The following CLEC12A variants were observed in gnomAD, a reference collection of about 807,000 sequenced individuals.
CLEC12A encodes C-type lectin domain family 12 member A, also known as C-type lectin protein CLL-1.
In CLEC12A, 22 loss-of-function variants were observed where a neutral mutation model predicts 26.5. The observed-to-expected ratio is 0.83, with a 90% CI of 0.59 to 1.19. CLEC12A has a LOEUF of 1.19. CLEC12A is among the 50% of genes most tolerant of loss of function. The pLI is 0.00. For missense variants in CLEC12A, 353 were observed against 315.6 expected (o/e 1.12, Z -0.90); for synonymous variants, 119 against 101.9 (o/e 1.17, Z -1.01).
intron 4 of CLEC12A, among the ~76,000 whole-genome samples, chr12:9,981,062 A>G (rs549599866): frequency 8.5e-5 from 13 of 152,344 alleles, no homozygotes; most frequent in African/African-American, 2.6e-4. Flanking sequence ...GGATACAGAG[A>G]TTATTCCCCA....
chr12:9,992,945 G>A (rs958968626), intron 4 of CLEC12A: 1 of 494,204 alleles, frequency 2.0e-6, no homozygotes, highest in Non-Finnish European at 3.6e-6. Context: ...CAATTGGGAA[G>A]CAAATGATAA....
At chr12:9,996,651 T>C (rs978424851), downstream of CLEC12A, 1 of 697,730 alleles carries the variant, frequency 1.4e-6, no homozygotes. Flanking sequence ...ACTGATCAAC[T>C]CTATCAGTGT....
chr12:9,953,003 G>A (rs1319325649), intron 1 of CLEC12A: 1 of 128,600 alleles, frequency 7.8e-6, no homozygotes, highest in Non-Finnish European at 1.7e-5. Flanking sequence ...GAGAAGTGAG[G>A]AGCCTCTCCG....
downstream of CLEC12A, chr12:9,996,900 C>G: frequency 6.2e-7 from 1 of 1,613,900 alleles, no homozygotes; most frequent in Non-Finnish European, 8.5e-7. Flanking sequence ...CAGTGCAGTA[C>G]TGCTTACTCT....
At chr12:9,966,344 C>T (rs897160112) in intron 1 of CLEC12A, among the ~76,000 whole-genome samples, 63 of 152,196 alleles carry the variant, frequency 4.1e-4, no homozygotes, top group South Asian at 2.1e-4. Flanking sequence ...GTTGTTAAGC[C>T]GAGAAGATCT....
downstream of CLEC12A, chr12:9,986,104 CA>C: frequency 2.2e-6 from 1 of 454,730 alleles, no homozygotes. Context: ...AGTGGGATGC[CA>C]AAATGACGGA....
At chr12:9,981,903 A>G (rs1565561715) in intron 4 of CLEC12A, 117 bp from the exon 5 acceptor site, 1 of 550,578 alleles carries the variant, frequency 1.8e-6, no homozygotes, top group Non-Finnish European at 3.2e-6. Context: ...ATTTAATAGT[A>G]GTAGTGCAAT....
At chr12:9,983,493 C>A in intron 5 of CLEC12A, 1 of 693,028 alleles carries the variant, frequency 1.4e-6, no homozygotes, top group Non-Finnish European at 2.6e-6. Flanking sequence ...TGGCAAATTC[C>A]ATTTGTATTT....
upstream of CLEC12A, among the ~76,000 whole-genome samples, chr12:9,968,899 A>G (rs1388053486): frequency 6.6e-6 from 1 of 152,200 alleles, no homozygotes; most frequent in African/African-American, 2.4e-5. Context: ...TATATACACA[A>G]TGGAATATTA....
At chr12:9,968,946 A>C (rs1864036436), upstream of CLEC12A, among the ~76,000 whole-genome samples, 1 of 152,218 alleles carries the variant, frequency 6.6e-6, no homozygotes, top group Admixed American at 6.5e-5. Context: ...TGTCATTTGC[A>C]GAAACAGGAG....
chr12:9,959,284 C>T (rs1314806703), intron 1 of CLEC12A, among the ~76,000 whole-genome samples: 1 of 151,998 alleles, frequency 6.6e-6, no homozygotes, highest in Non-Finnish European at 1.5e-5. Flanking sequence ...AACCCCATGT[C>T]TACTAAAAAT....
At chr12:9,999,337 G>T, downstream of CLEC12A, 1 of 369,520 alleles carries the variant, frequency 2.7e-6, no homozygotes, top group South Asian at 9.9e-5. Context: ...AATAACTTGT[G>T]GTAAAGGAGT....
chr12:9,978,543 T>G (rs943977927), intron 1 of CLEC12A, among the ~76,000 whole-genome samples: 2 of 152,188 alleles, frequency 1.3e-5, no homozygotes, highest in Non-Finnish European at 2.9e-5. Context: ...ACTGTTTTTC[T>G]TGACATGCCA....
intron 1 of CLEC12A, among the ~76,000 whole-genome samples, chr12:9,964,771 G>A (rs1291780820): frequency 6.6e-6 from 1 of 152,174 alleles, no homozygotes; most frequent in African/African-American, 2.4e-5. Flanking sequence ...CTATAGCATA[G>A]CCTGCCTTTG....
chr12:9,996,914 C>T (rs1344429751), downstream of CLEC12A: 3 of 1,613,788 alleles, frequency 1.9e-6, no homozygotes, highest in African/African-American at 4.0e-5. Context: ...TTACTCTCTT[C>T]CCATGTTAAG....
At chr12:9,999,437 T>A (rs900959653), downstream of CLEC12A, 24 of 191,010 alleles carry the variant, frequency 1.3e-4, no homozygotes, top group African/African-American at 4.9e-4. Context: ...AGAACAAAAG[T>A]TCATGCTTTA....
At chr12:9,990,008 T>G (rs1324279450), downstream of CLEC12A, among the ~76,000 whole-genome samples, 11 of 152,294 alleles carry the variant, frequency 7.2e-5, no homozygotes, top group Admixed American at 3.9e-4. Context: ...CTGAGTATTT[T>G]AAGCCCATTG....
At chr12:9,965,838 TG>T (rs1331812647) in intron 1 of CLEC12A, among the ~76,000 whole-genome samples, 7 of 151,694 alleles carry the variant, frequency 4.6e-5, no homozygotes, top group Non-Finnish European at 1.0e-4. Context: ...CGGGGTAAGG[TG>T]ATTAGGTTTT....
At chr12:9,993,014 A>G in intron 4 of CLEC12A, 3 of 814,758 alleles carry the variant, frequency 3.7e-6, no homozygotes, top group Non-Finnish European at 5.8e-6. Context: ...GATAGGAAAG[A>G]TAATATTAAA....
Sources: gnomAD v4.1 joint callset for allele counts (sites outside exome capture counted in the v4.1 genomes callset) on GRCh38, gnomAD v4.1.1 for gene constraint, MANE v1.5 for transcripts, NCBI Gene and HGNC (gene_info 2026-07-23, HGNC 2026-07-21) for gene names.